SLC17A5: variants seen among roughly 807,000 people sequenced by gnomAD.
SLC17A5 encodes sialin.
SLC17A5 carries 47 observed loss-of-function variants against 59.4 expected under a neutral mutation model. That is an observed-to-expected ratio of 0.79 (90% CI 0.63 to 1.01). The LOEUF (loss-of-function observed/expected upper bound fraction) is 1.01. SLC17A5 is among the 50% of genes least tolerant of loss of function. SLC17A5 has a pLI of 0.00. For synonymous variants in SLC17A5, 202 were observed against 210.7 expected (o/e 0.96, Z 0.36); for missense variants, 522 against 595.5 (o/e 0.88, Z 1.28).
chr6:73,610,630 G>T, intron 8 of SLC17A5, 83 bp from the exon 9 acceptor site: 1 of 1,475,094 alleles, frequency 6.8e-7, no homozygotes, highest in Non-Finnish European at 9.4e-7. Context: ...TCTGAAATTT[G>T]AAATTGCTGC....
At chr6:73,617,255 C>T (rs1348390691) in intron 7 of SLC17A5, among the ~76,000 whole-genome samples, 1 of 150,346 alleles carries the variant, frequency 6.7e-6, no homozygotes, top group Non-Finnish European at 1.5e-5. Flanking sequence ...TGCTCTGGTG[C>T]AGTCAGTCCA....
chr6:73,595,322 A>G, intron 10 of SLC17A5, 108 bp from the exon 11 acceptor site: 2 of 1,271,292 alleles, frequency 1.6e-6, no homozygotes, highest in Non-Finnish European at 1.1e-6. Context: ...TATTCATAAA[A>G]GCCTCATCCT....
At chr6:73,600,811 A>G (rs555321568) in intron 9 of SLC17A5, among the ~76,000 whole-genome samples, 4 of 152,142 alleles carry the variant, frequency 2.6e-5, no homozygotes, top group Non-Finnish European at 5.9e-5. Context: ...GCTTCTTTCA[A>G]TAGACAGCTA....
At chr6:73,630,505 T>A (rs938644212) in intron 6 of SLC17A5, among the ~76,000 whole-genome samples, 1 of 152,168 alleles carries the variant, frequency 6.6e-6, no homozygotes, top group Non-Finnish European at 1.5e-5. Context: ...CTATCTACAA[T>A]GCAAATCTGA....
chr6:73,650,865 T>C (rs1206046320), intron 1 of SLC17A5, among the ~76,000 whole-genome samples: 1 of 152,186 alleles, frequency 6.6e-6, no homozygotes, highest in African/African-American at 2.4e-5. Context: ...TAGAGCCGTG[T>C]ATGGGAGAAT....
chr6:73,609,319 A>C (rs1448252355), intron 9 of SLC17A5, among the ~76,000 whole-genome samples: 1 of 152,162 alleles, frequency 6.6e-6, no homozygotes, highest in Non-Finnish European at 1.5e-5. Context: ...TTAAAAGTAA[A>C]AATTTTAGGT....
chr6:73,602,391 C>T (rs1057011917), intron 9 of SLC17A5, among the ~76,000 whole-genome samples: 6 of 150,702 alleles, frequency 4.0e-5, no homozygotes, highest in African/African-American at 1.5e-4. Flanking sequence ...TGTCCTATGA[C>T]CCTGCCAAAT....
At chr6:73,645,064 A>G (rs1769476129) in intron 1 of SLC17A5, among the ~76,000 whole-genome samples, 1 of 152,226 alleles carries the variant, frequency 6.6e-6, no homozygotes, top group Non-Finnish European at 1.5e-5. Context: ...ACTCCTTGTC[A>G]GCTGGCAAAG....
intron 10 of SLC17A5, among the ~76,000 whole-genome samples, chr6:73,595,700 A>G (rs1766759820): frequency 6.6e-6 from 1 of 151,850 alleles, no homozygotes; most frequent in Admixed American, 6.6e-5. Context: ...ACTTTAGATT[A>G]GTGCATTTAT....
chr6:73,598,236 T>G (rs549594671), intron 10 of SLC17A5, among the ~76,000 whole-genome samples: 58 of 152,354 alleles, frequency 3.8e-4, no homozygotes, highest in Admixed American at 7.8e-4. Context: ...CTGTTTTGTT[T>G]ATAACAACAT....
In SLC17A5 at chr6:73,635,475, A is replaced by G; in HGVS notation, c.726T>C (p.Leu242=). 6.3e-7 allele frequency: 1 copy of G among 1,593,674 alleles called. No homozygotes were observed. The highest frequency in any genetic ancestry group is 8.6e-7 in the Non-Finnish European group (1 of 1,164,808). The change falls in exon 6 of 11, where the codon CTT becomes CTC. Residue 242 remains leucine (L), a synonymous_variant. Transcript: ENST00000355773. ...FFGTIGIFWF[L]LWIWLVSDTP... is the part of the protein sequence containing the mutation. ...TGTCACTAACTAACCAGATCCACAA[A>G]AGAAACCAAAATATTCCAATAGTAC...
At chr6:73,650,534 A>G (rs1031369615) in intron 1 of SLC17A5, among the ~76,000 whole-genome samples, 1 of 150,794 alleles carries the variant, frequency 6.6e-6, no homozygotes, top group Non-Finnish European at 1.5e-5. Flanking sequence ...AAAAAAAAGA[A>G]AAAGAAAAAA....
intron 7 of SLC17A5, 94 bp from the exon 8 acceptor site, chr6:73,615,541 A>G: frequency 8.3e-7 from 1 of 1,201,832 alleles, no homozygotes; most frequent in Non-Finnish European, 1.2e-6. Flanking sequence ...ACTTGAAAGC[A>G]AAGGAAATGC....
At chr6:73,640,946 AAAG>A (rs1769246249) in intron 3 of SLC17A5, among the ~76,000 whole-genome samples, 1 of 152,186 alleles carries the variant, frequency 6.6e-6, no homozygotes. Context: ...AGAAAAAATA[AAAG>A]AATAAGCGAT....
At chr6:73,653,601 G>C (rs1044850271) in intron 1 of SLC17A5, 192 bp downstream of exon 1, 17 of 638,776 alleles carry the variant, frequency 2.7e-5, no homozygotes, top group Non-Finnish European at 3.1e-5. Context: ...GGGTTCCCGA[G>C]GGGCTTCTGC....
intron 1 of SLC17A5, chr6:73,653,575 A>T (rs1167715881): frequency 1.3e-5 from 10 of 754,840 alleles, no homozygotes; most frequent in Non-Finnish European, 1.6e-5. Flanking sequence ...CTCCGCGATC[A>T]CGGTCGCGGC....
rs529760022 is a variant in SLC17A5 at position 73,653,766 on chromosome 6, A to C, written c.94+27T>G. 3.7e-5 allele frequency: 57 copies of C among 1,553,470 alleles called. 1 individual carries two copies. The South Asian group carries it at 6.3e-4, about 17-fold the overall frequency. The stretch of plus-strand genomic sequence containing the variant: ...CGCCCCCGGTACCGCTGCCCACTCG[A>C]AGCCCCTGGACGACCCCGCCGCTTA... On this transcript the variant is annotated intron_variant, in intron 1 of 10. Coordinates refer to ENST00000355773, the MANE Select transcript of SLC17A5 (RefSeq NM_012434.5).
At chr6:73,652,294 T>C (rs944505656) in intron 1 of SLC17A5, among the ~76,000 whole-genome samples, 1 of 152,232 alleles carries the variant, frequency 6.6e-6, no homozygotes, top group Non-Finnish European at 1.5e-5. Context: ...GCTACTTTTT[T>C]AAAAATCAAC....
intron 6 of SLC17A5, among the ~76,000 whole-genome samples, chr6:73,633,176 ATTTTTTT>A (rs57624307): frequency 1.1e-4 from 14 of 124,942 alleles, no homozygotes; most frequent in Non-Finnish European, 2.0e-4. Flanking sequence ...ACTTGTATTA[ATTTTTTT>A]TTTTTTTTTT....
Sources: gnomAD v4.1 joint callset for allele counts (sites outside exome capture counted in the v4.1 genomes callset) on GRCh38, gnomAD v4.1.1 for gene constraint, MANE v1.5 for transcripts, NCBI Gene and HGNC (gene_info 2026-07-23, HGNC 2026-07-21) for gene names.